ANKFN1: variants seen among roughly 807,000 people sequenced by gnomAD.
ANKFN1 encodes ankyrin repeat and fibronectin type III domain containing 1, also known as ankyrin repeat and fibronectin type-III domain-containing protein 1.
Under a neutral mutation model 108.7 loss-of-function variants are expected in ANKFN1, and 74 were observed. The ratio of observed to expected loss-of-function variants is 0.68; its 90% CI spans 0.56 to 0.83. The LOEUF is 0.83. Ranked by LOEUF, ANKFN1 falls within the 40% of genes least tolerant of loss-of-function variation. The pLI is 0.00. For synonymous variants in ANKFN1, 547 were observed against 516.2 expected (o/e 1.06, Z -0.81); for missense variants, 1,505 against 1,382.3 (o/e 1.09, Z -1.41).
chr17:56,482,056 C>T (rs1037524844), intron 17 of ANKFN1, among the ~76,000 whole-genome samples: 16 of 152,046 alleles, frequency 1.1e-4, no homozygotes, highest in Admixed American at 1.0e-3. Flanking sequence ...TAATTCAATC[C>T]ATTTTTGTTG....
intron 20 of ANKFN1, among the ~76,000 whole-genome samples, chr17:56,499,783 T>C (rs985663310): frequency 1.3e-5 from 2 of 152,142 alleles, no homozygotes; most frequent in Admixed American, 6.5e-5. Context: ...AAAATACCTC[T>C]ATGCTTATAA....
At chr17:56,087,665 G>A (rs112350925) in intron 4 of ANKFN1, among the ~76,000 whole-genome samples, 4,119 of 151,358 alleles carry the variant, frequency 0.027, 256 homozygotes, top group African/African-American at 0.094. Context: ...ACATTGTGAT[G>A]GACGTTCTGC....
chr17:56,510,730 G>A lies in ANKFN1; in HGVS notation c.2902G>A (p.Glu968Lys), dbSNP rs1050484322. 3.3e-6 allele frequency: 5 copies of A among 1,536,142 alleles called. No individual in the cohort carries two copies. The highest frequency in any genetic ancestry group is 1.4e-5 in the African/African-American group (1 of 73,170). The change falls in exon 21 of 21, where the codon GAG (glutamate) becomes AAG (lysine). Residue 968 changes from glutamate (E) to lysine (K), a missense_variant. By Grantham distance (56) the Glu-to-Lys change is moderately conservative. Transcript: ENST00000682825. ...CCCAAATCCCGATCACTCATGTGCC[G>A]AGTTTCTCCATAGCCTGACCCTCAC... ...EGPNPDHSCA[E>K]FLHSLTLTGF... is the part of the protein sequence containing the mutation.
intron 4 of ANKFN1, among the ~76,000 whole-genome samples, chr17:56,107,757 T>G (rs1905778854): frequency 1.3e-5 from 2 of 152,206 alleles, no homozygotes; most frequent in Non-Finnish European, 2.9e-5. Context: ...ACTCTTTTCT[T>G]TAGACCCAAG....
intron 8 of ANKFN1, among the ~76,000 whole-genome samples, chr17:56,408,680 G>A (rs116526658): frequency 0.011 from 1,655 of 152,218 alleles, 27 homozygotes; most frequent in African/African-American, 0.038. Flanking sequence ...ATTTACACCA[G>A]GCTAAAAAAG....
chr17:56,214,625 C>A (rs1319646358), intron 2 of ANKFN1, among the ~76,000 whole-genome samples: 2 of 152,210 alleles, frequency 1.3e-5, no homozygotes, highest in Non-Finnish European at 2.9e-5. Flanking sequence ...GCAGGTCCCA[C>A]TAACTCCTCA....
chr17:56,055,650 A>C (rs1468517341), intron 4 of ANKFN1, among the ~76,000 whole-genome samples: 1 of 137,824 alleles, frequency 7.3e-6, no homozygotes, highest in Non-Finnish European at 1.5e-5. Context: ...GGTTGGTTTC[A>C]TGACTTTGCT....
At chr17:56,091,023 T>C (rs1389039482) in intron 4 of ANKFN1, among the ~76,000 whole-genome samples, 1 of 151,348 alleles carries the variant, frequency 6.6e-6, no homozygotes, top group Non-Finnish European at 1.5e-5. Flanking sequence ...TGTTACAAAC[T>C]ATGAGCATCT....
intron 2 of ANKFN1, among the ~76,000 whole-genome samples, chr17:56,218,708 A>G (rs535720002): frequency 3.9e-5 from 6 of 152,178 alleles, no homozygotes; most frequent in Admixed American, 2.6e-4. Context: ...GTTTCCCTCA[A>G]ATTCCCTTGG....
intron 3 of ANKFN1, among the ~76,000 whole-genome samples, chr17:56,302,532 A>AAAG (rs1555625445): frequency 2.1e-4 from 30 of 142,712 alleles, no homozygotes; most frequent in African/African-American, 6.9e-4. Flanking sequence ...AAAAAAAAAA[A>AAAG]AGAGAGAGAG....
intron 10 of ANKFN1, among the ~76,000 whole-genome samples, chr17:56,444,861 C>T (rs1055973398): frequency 5.9e-5 from 9 of 152,090 alleles, no homozygotes; most frequent in African/African-American, 1.9e-4. Flanking sequence ...GGCATGTCTC[C>T]GATGCTACAG....
upstream of ANKFN1, chr17:56,153,419 T>G (rs532863567): frequency 1.8e-4 from 281 of 1,528,308 alleles, no homozygotes; most frequent in East Asian, 6.2e-3. Context: ...CAGGGTTCCC[T>G]TGGCAACGGG....
intron 8 of ANKFN1, among the ~76,000 whole-genome samples, chr17:56,405,178 G>A (rs1329380669): frequency 6.6e-6 from 1 of 152,186 alleles, no homozygotes; most frequent in Admixed American, 6.5e-5. Flanking sequence ...GAGACCATCA[G>A]TAGTATCCAT....
At chr17:56,352,061 A>T (rs1232739770) in intron 5 of ANKFN1, among the ~76,000 whole-genome samples, 1 of 152,138 alleles carries the variant, frequency 6.6e-6, no homozygotes, top group African/African-American at 2.4e-5. Flanking sequence ...TTGTTTTCTA[A>T]TATGTTTTCG....
intron 9 of ANKFN1, among the ~76,000 whole-genome samples, chr17:56,440,948 A>G (rs1218265249): frequency 1.3e-5 from 2 of 152,182 alleles, no homozygotes; most frequent in African/African-American, 2.4e-5. Flanking sequence ...TGGTGGAGCT[A>G]TGTTTCTCAG....
At chr17:56,168,078 C>T (rs1029053998) in intron 1 of ANKFN1, among the ~76,000 whole-genome samples, 1 of 152,036 alleles carries the variant, frequency 6.6e-6, no homozygotes, top group African/African-American at 2.4e-5. Context: ...ACCGGCCTGA[C>T]CAGCATGGCA....
chr17:56,228,043 T>C, intron 3 of ANKFN1, 86 bp downstream of exon 3: 1 of 1,132,638 alleles, frequency 8.8e-7, no homozygotes, highest in South Asian at 1.4e-5. Context: ...CCATCTCACA[T>C]TGCTGCATTT....
intron 4 of ANKFN1, among the ~76,000 whole-genome samples, chr17:56,054,627 G>T (rs1056603960): frequency 6.6e-6 from 1 of 152,110 alleles, no homozygotes; most frequent in African/African-American, 2.4e-5. Context: ...ATACTTAATT[G>T]CAGACTGAGC....
chr17:56,246,796 G>A (rs1436535140), intron 3 of ANKFN1, among the ~76,000 whole-genome samples: 4 of 151,886 alleles, frequency 2.6e-5, no homozygotes, highest in African/African-American at 9.7e-5. Flanking sequence ...TAATTATGAT[G>A]TAATCTGGTA....
Sources: gnomAD v4.1 joint callset for allele counts (sites outside exome capture counted in the v4.1 genomes callset) on GRCh38, gnomAD v4.1.1 for gene constraint, MANE v1.5 for transcripts, NCBI Gene and HGNC (gene_info 2026-07-23, HGNC 2026-07-21) for gene names.